Variants in NWD2 observed in about 807,000 individuals in gnomAD.
NWD2 encodes the protein NACHT and WD repeat domain-containing protein 2.
A neutral mutation model predicts 132.7 loss-of-function variants in NWD2; 37 were observed. The observed-to-expected ratio is 0.28, with a 90% CI of 0.21 to 0.37. The LOEUF is 0.37. NWD2 is among the 10% of genes least tolerant of loss of function. The pLI, the probability that NWD2 is intolerant of heterozygous loss-of-function variation, is 1.00. For synonymous variants in NWD2, 705 were observed against 803.0 expected (o/e 0.88, Z 2.06); for missense variants, 1,592 against 2,122.4 (o/e 0.75, Z 4.91).
intron 1 of NWD2, among the ~76,000 whole-genome samples, chr4:37,280,978 A>G (rs1378341090): frequency 2.7e-5 from 4 of 147,146 alleles, no homozygotes; most frequent in Non-Finnish European, 6.1e-5. Context: ...TAGGAAACCC[A>G]TTGGTGTCCT....
At chr4:37,293,526 A>G (rs1718406972) in intron 1 of NWD2, among the ~76,000 whole-genome samples, 1 of 152,252 alleles carries the variant, frequency 6.6e-6, no homozygotes, top group African/African-American at 2.4e-5. Context: ...ATAAATATCA[A>G]CTATAACATA....
intron 3 of NWD2, among the ~76,000 whole-genome samples, chr4:37,377,491 G>A (rs1720368193): frequency 1.3e-5 from 2 of 152,166 alleles, no homozygotes; most frequent in African/African-American, 4.8e-5. Flanking sequence ...CAGCACTTTG[G>A]GAGGCCAAGG....
chr4:37,393,825 T>C (rs976446626), intron 3 of NWD2, among the ~76,000 whole-genome samples: 4 of 152,218 alleles, frequency 2.6e-5, no homozygotes, highest in Non-Finnish European at 5.9e-5. Flanking sequence ...CTCAGCTCCA[T>C]TGGGCCACTT....
At chr4:37,409,915 A>C (rs1281352555) in intron 3 of NWD2, among the ~76,000 whole-genome samples, 1 of 152,206 alleles carries the variant, frequency 6.6e-6, no homozygotes, top group Non-Finnish European at 1.5e-5. Flanking sequence ...TAAGCTTCAT[A>C]AGAAAAGGAG....
intron 3 of NWD2, among the ~76,000 whole-genome samples, chr4:37,370,426 C>A (rs145587198): frequency 6.6e-6 from 1 of 152,140 alleles, no homozygotes; most frequent in Non-Finnish European, 1.5e-5. Flanking sequence ...ATGGATTGAC[C>A]GCTGTACATT....
At chr4:37,426,906 T>C (rs150844585) in intron 3 of NWD2, among the ~76,000 whole-genome samples, 2 of 152,098 alleles carry the variant, frequency 1.3e-5, no homozygotes, top group African/African-American at 2.4e-5. Flanking sequence ...CAGAAAGAAG[T>C]TGAAGAACGA....
intron 1 of NWD2, among the ~76,000 whole-genome samples, chr4:37,323,460 C>A (rs1193917650): frequency 6.6e-6 from 1 of 152,112 alleles, no homozygotes; most frequent in Non-Finnish European, 1.5e-5. Context: ...CACTAATCAT[C>A]AGAGAAAAGC....
chr4:37,443,463 T>C lies in NWD2; in HGVS notation c.1475T>C (p.Leu492Pro). ...AGCTACCCTAAGAAGATCCATGACC[T>C]CTGTGACTTATTTATAAATCTTTTG... is the stretch of plus-strand genomic sequence containing the variant. ...VQSYPKKIHDLCDLFINLLNE... is the reference protein window; with the variant it reads ...VQSYPKKIHDPCDLFINLLNE... The change falls in exon 7 of 7, where the codon CTC becomes CCC. Residue 492 changes from leucine (L) to proline (P), a missense_variant. By Grantham distance (98) the Leu-to-Pro change is moderately conservative (BLOSUM62 -3). Around this residue, in one of 7 missense-constraint regions of NWD2, gnomAD observed 1,071 missense variants for 1,398.0 expected, o/e 0.77. Coordinates refer to ENST00000309447, the MANE Select transcript of NWD2 (RefSeq NM_001144990.2). This position sits in a 1 kb window ranked among gnomAD's most constrained non-coding sequence, Gnocchi z 4.1. The C allele has an allele frequency of 6.4e-7, 1 of 1,552,232 alleles. No homozygotes were observed. The highest frequency in any genetic ancestry group is 8.7e-7 in the Non-Finnish European group (1 of 1,147,104).
chr4:37,274,812 C>G (rs1390094113), intron 1 of NWD2, among the ~76,000 whole-genome samples: 1 of 152,012 alleles, frequency 6.6e-6, no homozygotes, highest in East Asian at 1.9e-4. Flanking sequence ...AACATATAAA[C>G]AGAACCAAAG....
At chr4:37,376,031 T>A (rs1028171983) in intron 3 of NWD2, among the ~76,000 whole-genome samples, 2 of 152,202 alleles carry the variant, frequency 1.3e-5, no homozygotes, top group Non-Finnish European at 2.9e-5. Context: ...ATTTAAACAT[T>A]CCCTTTTTTT....
rs569861056 is a variant in NWD2, at chr4:37,303,349, G to A, written c.152-22587G>A. Among the ~76,000 whole-genome samples, 164 of 152,200 alleles carry A rather than the reference G, an allele frequency of 1.1e-3. 1 individual carries two copies. The highest frequency in any genetic ancestry group is 2.7e-3 in the East Asian group (14 of 5,180). ...ACCAGTATCATGCTGTTTCGGTTAC[G>A]ACAGCTTCGTGGTATATAATTTGAA... is the stretch of plus-strand genomic sequence containing the variant. On this transcript the variant is annotated intron_variant, in intron 1 of 6. Coordinates refer to ENST00000309447, the MANE Select transcript of NWD2 (RefSeq NM_001144990.2).
intron 1 of NWD2, among the ~76,000 whole-genome samples, chr4:37,307,523 T>A (rs1457930671): frequency 6.6e-6 from 1 of 152,220 alleles, no homozygotes; most frequent in Non-Finnish European, 1.5e-5. Context: ...TCATTATATG[T>A]GACTTGATGC....
At chr4:37,364,232 C>T (rs1560404886) in intron 3 of NWD2, among the ~76,000 whole-genome samples, 1 of 152,202 alleles carries the variant, frequency 6.6e-6, no homozygotes. Flanking sequence ...AATCCGTCCC[C>T]ACTCCACCAT....
At chr4:37,304,835 C>T (rs1718676357) in intron 1 of NWD2, among the ~76,000 whole-genome samples, 1 of 152,182 alleles carries the variant, frequency 6.6e-6, no homozygotes, top group African/African-American at 2.4e-5. Flanking sequence ...GGTGGGTCTA[C>T]AATTCTGGGG....
chr4:37,384,549 T>C (rs1399321714), intron 3 of NWD2, among the ~76,000 whole-genome samples: 2 of 152,218 alleles, frequency 1.3e-5, no homozygotes, highest in Admixed American at 6.5e-5. Context: ...GTTCATGGAT[T>C]CTGAGACAGC....
At position 37,448,766 on chromosome 4, in the gene NWD2, A is replaced by T. The variant is rs563366863; in HGVS notation, c.*1549A>T. 6.6e-6 allele frequency: 1 copy of T among 152,326 alleles called. No individual in the cohort carries two copies. The highest frequency in any genetic ancestry group is 1.9e-4 in the East Asian group (1 of 5,186). The allele number at this position is 152,326 out of a possible 1,614,324, so 9.4% of individuals were successfully genotyped here. ...TGTTTTTGTGAAGTGCAAAATAAAG[A>T]TAGTGATAGTTTCTGCTGTAGCCCT... On this transcript the variant is annotated 3_prime_UTR_variant, in exon 7 of 7. Coordinates refer to ENST00000309447, the MANE Select transcript of NWD2 (RefSeq NM_001144990.2).
rs187117841 is a variant in NWD2, at chr4:37,322,148, A to T, written c.152-3788A>T. Among the ~76,000 whole-genome samples, 547 of 152,284 alleles carry T rather than the reference A, an allele frequency of 3.6e-3. 2 individuals are homozygous for T. The highest frequency in any genetic ancestry group is 0.012 in the African/African-American group (501 of 41,566). The stretch of plus-strand genomic sequence containing the variant: ...CATGTGTGGCTTTTTTCATTCACTC[A>T]TTTATTAATTGAGCAAGACTCCAAT... On this transcript the variant is annotated intron_variant, in intron 1 of 6. Coordinates refer to ENST00000309447, the MANE Select transcript of NWD2 (RefSeq NM_001144990.2).
intron 3 of NWD2, among the ~76,000 whole-genome samples, chr4:37,388,004 T>C (rs1560410132): frequency 6.6e-6 from 1 of 152,152 alleles, no homozygotes; most frequent in African/African-American, 2.4e-5. Context: ...CTGGTACTTA[T>C]GAGCTGAATG....
At chr4:37,418,640 AAATAT>A in intron 3 of NWD2, among the ~76,000 whole-genome samples, 1 of 144,882 alleles carries the variant, frequency 6.9e-6, no homozygotes, top group African/African-American at 2.5e-5. Context: ...CCAAAAAAAA[AAATAT>A]ATATATATAT....
Sources: allele counts gnomAD v4.1 joint callset (sites outside exome capture counted in the v4.1 genomes callset), GRCh38; gene constraint gnomAD v4.1.1; regional missense constraint gnomAD v4.1.1; non-coding constraint Gnocchi (gnomAD v3.1); transcripts MANE v1.5; gene names NCBI Gene and HGNC (gene_info 2026-07-23, HGNC 2026-07-21).